Variants in TPD52 observed in about 807,000 individuals in gnomAD.
TPD52 encodes tumor protein D52.
A neutral mutation model predicts 31.3 loss-of-function variants in TPD52; 17 were observed. The ratio of observed to expected loss-of-function variants is 0.54; its 90% CI spans 0.37 to 0.82. The LOEUF (loss-of-function observed/expected upper bound fraction) is 0.82, where lower values mean the gene tolerates loss of function less well. TPD52 is among the 40% of genes least tolerant of loss of function. The pLI, the probability that TPD52 is intolerant of heterozygous loss-of-function variation, is 0.00. For missense variants in TPD52, 212 were observed against 240.1 expected (o/e 0.88, Z 0.77); for synonymous variants, 83 against 89.6 (o/e 0.93, Z 0.42).
rs960435285 is a variant in TPD52, at chr8:80,036,227, T to G, written c.*1889A>C. 4 of 152,628 alleles carry G rather than the reference T, an allele frequency of 2.6e-5. No homozygotes were observed. The highest frequency in any genetic ancestry group is 9.6e-5 in the African/African-American group (4 of 41,572). The allele number at this position is 152,628 out of a possible 1,614,324, so 9.5% of individuals were successfully genotyped here. On this transcript the variant is annotated 3_prime_UTR_variant, in exon 8 of 8. Transcript: ENST00000518937. ...CACTCATCTAAAGAAATTGCCACTT[T>G]ACTCCATTTTGCCTTGTTGAAAAGT...
chr8:80,147,219 G>A (rs7814474), intron 1 of TPD52, among the ~76,000 whole-genome samples: 8 of 152,084 alleles, frequency 5.3e-5, no homozygotes, highest in Non-Finnish European at 1.5e-5. Context: ...ATTGCTCCTG[G>A]AAGTTAAAAG....
chr8:80,042,576 A>G (rs1810490966), intron 7 of TPD52, 44 bp downstream of exon 7: 2 of 1,576,092 alleles, frequency 1.3e-6, no homozygotes, highest in South Asian at 2.4e-5. Flanking sequence ...TAATTAAGAC[A>G]CCAGGCAATG....
rs192038328 is a variant in TPD52 at position 80,048,941 on chromosome 8, G to T, written c.413+1504C>A. 7.0e-4 allele frequency among the ~76,000 whole-genome samples: 107 copies of T among 152,276 alleles called. No individual in the cohort carries two copies. The South Asian group carries it at 0.013, about 19-fold the overall frequency. On this transcript the variant is annotated intron_variant, in intron 5 of 7. Coordinates refer to ENST00000518937, the MANE Select transcript of TPD52 (RefSeq NM_001025253.3). ...ATTTTTTAAACAAAATGGACAAAGT[G>T]ACTGTGAAAGGAGCTAGAAAACAGT...
intron 1 of TPD52, among the ~76,000 whole-genome samples, chr8:80,082,303 C>A (rs1293300793): frequency 6.6e-6 from 1 of 152,070 alleles, no homozygotes; most frequent in Non-Finnish European, 1.5e-5. Flanking sequence ...TGGCCTCTTA[C>A]TGGGACAGGA....
chr8:80,165,692 T>C (rs1811666259), intron 1 of TPD52, among the ~76,000 whole-genome samples: 1 of 152,232 alleles, frequency 6.6e-6, no homozygotes, highest in Non-Finnish European at 1.5e-5. Flanking sequence ...TCCTAGTTAC[T>C]TTTCCACAAC....
intron 1 of TPD52, among the ~76,000 whole-genome samples, chr8:80,117,172 A>G (rs1344820005): frequency 6.6e-6 from 1 of 152,212 alleles, no homozygotes; most frequent in Non-Finnish European, 1.5e-5. Context: ...AAAAAGGACT[A>G]AAAGGCATCC....
At chr8:80,039,679 GT>G (rs1317997273) in intron 7 of TPD52, among the ~76,000 whole-genome samples, 1 of 151,926 alleles carries the variant, frequency 6.6e-6, no homozygotes, top group Non-Finnish European at 1.5e-5. Context: ...ACTCTGCAAT[GT>G]GGCCTACACA....
chr8:80,156,272 C>G (rs1444441472), intron 1 of TPD52, among the ~76,000 whole-genome samples: 1 of 152,168 alleles, frequency 6.6e-6, no homozygotes, highest in African/African-American at 2.4e-5. Context: ...CTCAGGGTGT[C>G]CAGGCTTCTT....
At chr8:80,144,247 A>T (rs975209578) in intron 1 of TPD52, among the ~76,000 whole-genome samples, 11 of 152,232 alleles carry the variant, frequency 7.2e-5, no homozygotes, top group African/African-American at 2.7e-4. Flanking sequence ...TCCAATTAGT[A>T]CATAAATTAC....
intron 5 of TPD52, among the ~76,000 whole-genome samples, chr8:80,046,914 G>C (rs1030817281): frequency 6.6e-6 from 1 of 152,126 alleles, no homozygotes; most frequent in South Asian, 2.1e-4. Context: ...TAAGAGAGGA[G>C]GGGGTAGAGG....
intron 1 of TPD52, among the ~76,000 whole-genome samples, chr8:80,129,143 T>C (rs1482521073): frequency 2.0e-5 from 3 of 152,174 alleles, no homozygotes; most frequent in Non-Finnish European, 2.9e-5. Context: ...TAGATATACA[T>C]GAATTTATTA....
chr8:80,138,420 T>C (rs1019841050), intron 1 of TPD52, among the ~76,000 whole-genome samples: 1 of 152,154 alleles, frequency 6.6e-6, no homozygotes, highest in South Asian at 2.1e-4. Context: ...CATTTAGTCG[T>C]CTCCTTCGGC....
chr8:80,160,080 A>G (rs1834521), intron 1 of TPD52, among the ~76,000 whole-genome samples: 67,736 of 151,282 alleles, frequency 0.45, 15,282 homozygotes, highest in East Asian at 0.71. Flanking sequence ...GGCCCCAGCT[A>G]CTCAGGAGGC....
intron 1 of TPD52, among the ~76,000 whole-genome samples, chr8:80,168,953 C>T (rs1811891274): frequency 6.6e-6 from 1 of 152,064 alleles, no homozygotes; most frequent in South Asian, 2.1e-4. Context: ...CAGGTGGAAG[C>T]AAGAGTAAGG....
chr8:80,120,990 G>T (rs1021598898), intron 1 of TPD52, among the ~76,000 whole-genome samples: 12 of 151,822 alleles, frequency 7.9e-5, no homozygotes, highest in African/African-American at 2.9e-4. Context: ...GCTGAGGCAG[G>T]AGGATAGCTT....
intron 7 of TPD52, among the ~76,000 whole-genome samples, chr8:80,040,376 G>T (rs7002175): frequency 6.6e-6 from 1 of 151,784 alleles, no homozygotes. Context: ...TTTTGGTAGA[G>T]ACAGGGTTTT....
At chr8:80,149,286 G>A (rs1052312692) in intron 1 of TPD52, among the ~76,000 whole-genome samples, 4 of 152,116 alleles carry the variant, frequency 2.6e-5, no homozygotes, top group African/African-American at 9.7e-5. Context: ...TTTTATAAAG[G>A]CCCGTTCCCC....
chr8:80,065,488 T>C (rs909727851), intron 1 of TPD52, among the ~76,000 whole-genome samples: 1 of 151,892 alleles, frequency 6.6e-6, no homozygotes, highest in Non-Finnish European at 1.5e-5. Context: ...CAGCTGCCCC[T>C]CAGATCTCCC....
chr8:80,158,971 A>AAAAAAAAAAG (rs1811172849), intron 1 of TPD52: 1 of 147,716 alleles, frequency 6.8e-6, no homozygotes, highest in African/African-American at 2.5e-5. Flanking sequence ...AAAAAAAAAA[A>AAAAAAAAAAG]GTAAATAACT....
Sources: allele counts gnomAD v4.1 joint callset (sites outside exome capture counted in the v4.1 genomes callset), GRCh38; gene constraint gnomAD v4.1.1; transcripts MANE v1.5; gene names NCBI Gene and HGNC (gene_info 2026-07-23, HGNC 2026-07-21).